LRP2: variants seen among roughly 807,000 people sequenced by gnomAD.
LRP2 encodes LDL receptor related protein 2, also known as low-density lipoprotein receptor-related protein 2.
Under a neutral mutation model 531.0 loss-of-function variants are expected in LRP2, and 172 were observed. The observed-to-expected ratio is 0.32, with a 90% confidence interval of 0.29 to 0.37. The LOEUF (loss-of-function observed/expected upper bound fraction) is 0.37. LRP2 is among the 10% of genes least tolerant of loss of function. The pLI is 1.00. For synonymous variants in LRP2, 1,992 were observed against 2,027.6 expected (o/e 0.98, Z 0.47); for missense variants, 5,167 against 5,868.3 (o/e 0.88, Z 3.90).
intron 33 of LRP2, among the ~76,000 whole-genome samples, chr2:169,224,815 C>T (rs753387428): frequency 4.6e-5 from 7 of 152,142 alleles, no homozygotes; most frequent in Non-Finnish European, 7.4e-5. Context: ...GCCAGCCAGG[C>T]GTGGTGGCTC....
chr2:169,274,548 C>T (rs2105442913), intron 14 of LRP2, among the ~76,000 whole-genome samples: 1 of 152,204 alleles, frequency 6.6e-6, no homozygotes, highest in South Asian at 2.1e-4. Flanking sequence ...TGGCCTATGA[C>T]AGATTAATCA....
At chr2:169,218,121 G>C (rs1180665142) in intron 34 of LRP2, among the ~76,000 whole-genome samples, 1 of 152,058 alleles carries the variant, frequency 6.6e-6, no homozygotes, top group African/African-American at 2.4e-5. Flanking sequence ...ACTTTATCAA[G>C]ACTTTCTCTT....
intron 56 of LRP2, among the ~76,000 whole-genome samples, chr2:169,173,619 C>G (rs753910577): frequency 1.3e-5 from 2 of 152,188 alleles, no homozygotes; most frequent in Non-Finnish European, 2.9e-5. Context: ...TAACATTTCT[C>G]TGTGGCTCAA....
At position 169,197,040 on chromosome 2, in the gene LRP2, G is replaced by A. The variant is rs1450473149; in HGVS notation, c.8579-10C>T. The A allele has an allele frequency of 1.9e-6, 3 of 1,613,266 alleles. No individual in the cohort carries two copies. Among genetic ancestry groups the A allele is most frequent in the African/African-American group, 1.3e-5 (1 of 75,044 alleles). ...CTGCACGTGTGAGTGGCTGCAGGAG[G>A]GAAAGAAGATAAAACCCATGAGCAA... On this transcript the variant is annotated splice_polypyrimidine_tract_variant and intron_variant, in intron 45 of 78. Transcript: ENST00000649046.
At chr2:169,213,570 C>T (rs1485126770) in intron 36 of LRP2, 87 bp downstream of exon 36, 1 of 1,053,004 alleles carries the variant, frequency 9.5e-7, no homozygotes, top group South Asian at 1.3e-5. Context: ...GTACGTGAAA[C>T]TGTGTGTGGG....
In LRP2 at chr2:169,157,498, T is replaced by C. The variant is rs202212213; in HGVS notation, c.11892A>G (p.Lys3964=). Residue 3964 remains lysine, a synonymous_variant, in exon 64 of 79, where the codon AAA becomes AAG. Coordinates refer to ENST00000649046, the MANE Select transcript of LRP2 (RefSeq NM_004525.3). The part of the protein sequence containing the change: ...GDWSDELGCN[K]GKERTCAENI... ...TTTCAGCACATGTTCTTTCTTTTCCTTTATCTGAAAAACAAAATCCCAGCA... is the reference window on the plus strand; with the variant it reads ...TTTCAGCACATGTTCTTTCTTTTCCCTTATCTGAAAAACAAAATCCCAGCA... The C allele has an allele frequency of 1.2e-6, 2 of 1,612,624 alleles. No homozygotes were observed. Among genetic ancestry groups the C allele is most frequent in the Admixed American group, 3.3e-5 (2 of 59,880 alleles).
chr2:169,265,745 G>A (rs1690773148), intron 16 of LRP2, among the ~76,000 whole-genome samples: 1 of 151,940 alleles, frequency 6.6e-6, no homozygotes, highest in East Asian at 1.9e-4. Context: ...ATGTTTCTCA[G>A]GAAGCTATCA....
At chr2:169,209,387 A>G in intron 38 of LRP2, 66 bp downstream of exon 38, 1 of 1,533,678 alleles carries the variant, frequency 6.5e-7, no homozygotes, top group Non-Finnish European at 9.0e-7. Flanking sequence ...GTTAGGCTAA[A>G]CTTTCTAGCA....
chr2:169,129,023 A>G lies in LRP2; in HGVS notation c.13790T>C (p.Ile4597Thr). ...SKQTTNFENP[I>T]YAQMENEQKE... Reference sequence around the variant, plus strand: ...ATTGTTAAAAATTACCTGTGCATAGATTGGATTTTCAAAGTTGGTAGTTTG... The same window carrying G: ...ATTGTTAAAAATTACCTGTGCATAGGTTGGATTTTCAAAGTTGGTAGTTTG... The change falls in exon 78 of 79, where the codon ATC (isoleucine) becomes ACC (threonine). Residue 4597 changes from isoleucine (I) to threonine (T), a missense_variant. By Grantham distance (89) the Ile-to-Thr change is moderately conservative (BLOSUM62 -1). This residue lies in a region of LRP2 where 348 missense variants were observed against 369.3 expected (regional missense o/e 0.94). Coordinates refer to ENST00000649046, the MANE Select transcript of LRP2 (RefSeq NM_004525.3). The G allele has an allele frequency of 6.2e-7, 1 of 1,610,564 alleles. No individual in the cohort carries two copies. Among genetic ancestry groups the G allele is most frequent in the Non-Finnish European group, 8.5e-7 (1 of 1,176,768 alleles).
chr2:169,199,021 G>T, intron 44 of LRP2, 110 bp from the exon 45 acceptor site: 1 of 1,144,796 alleles, frequency 8.7e-7, no homozygotes, highest in Non-Finnish European at 1.3e-6. Context: ...TGGAAGGGCG[G>T]CATTTTCAAA....
chr2:169,362,221 G>T, intron 1 of LRP2, 100 bp downstream of exon 1: 2 of 1,043,768 alleles, frequency 1.9e-6, no homozygotes, highest in Non-Finnish European at 2.8e-6. Flanking sequence ...CCCGGCCCTA[G>T]CCCCTGCCCG....
chr2:169,345,406 T>C (rs565851191), intron 1 of LRP2, among the ~76,000 whole-genome samples: 1 of 152,226 alleles, frequency 6.6e-6, no homozygotes, highest in South Asian at 2.1e-4. Context: ...CAAGGAACAC[T>C]GCGTAAATAA....
intron 63 of LRP2, among the ~76,000 whole-genome samples, chr2:169,160,695 A>AAAAAAAAAAC (rs1686552068): frequency 6.6e-6 from 1 of 151,626 alleles, no homozygotes; most frequent in Admixed American, 6.6e-5. Context: ...AAAAAAAAAA[A>AAAAAAAAAAC]CCTGCTACTA....
chr2:169,211,230 T>C (rs1688580113), intron 37 of LRP2, among the ~76,000 whole-genome samples: 1 of 152,180 alleles, frequency 6.6e-6, no homozygotes, highest in Admixed American at 6.5e-5. Flanking sequence ...AACCCCTTCA[T>C]TGACTTCATC....
chr2:169,275,997 T>C (rs1683542993), intron 13 of LRP2, among the ~76,000 whole-genome samples: 1 of 151,970 alleles, frequency 6.6e-6, no homozygotes, highest in Non-Finnish European at 1.5e-5. Context: ...AAAACTCTTA[T>C]TTTCTTTATT....
intron 1 of LRP2, among the ~76,000 whole-genome samples, chr2:169,327,763 T>G (rs1352719905): frequency 1.4e-4 from 12 of 87,794 alleles, no homozygotes; most frequent in Admixed American, 2.2e-4. Context: ...GGTGGGGGGG[T>G]CAGCCCCCCG....
intron 31 of LRP2, among the ~76,000 whole-genome samples, chr2:169,229,363 A>G (rs1019375961): frequency 2.6e-5 from 4 of 152,220 alleles, no homozygotes; most frequent in Admixed American, 2.6e-4. Context: ...ACGACAATAT[A>G]TATGACCCCC....
At chr2:169,144,984 C>T (rs548337596) in intron 70 of LRP2, among the ~76,000 whole-genome samples, 10 of 152,274 alleles carry the variant, frequency 6.6e-5, no homozygotes, top group Admixed American at 2.6e-4. Flanking sequence ...AAAACTCACC[C>T]ATTTGTTATG....
At chr2:169,226,036 A>G (rs1420094561) in intron 32 of LRP2, among the ~76,000 whole-genome samples, 1 of 152,170 alleles carries the variant, frequency 6.6e-6, no homozygotes, top group African/African-American at 2.4e-5. Context: ...TCATTTTTAT[A>G]TTCGTCGAAT....
Sources: gnomAD v4.1 joint callset for allele counts (sites outside exome capture counted in the v4.1 genomes callset) on GRCh38, gnomAD v4.1.1 for gene constraint, gnomAD v4.1.1 regional missense constraint, MANE v1.5 for transcripts, NCBI Gene and HGNC (gene_info 2026-07-23, HGNC 2026-07-21) for gene names.